Variants in SSBP4 observed in about 807,000 individuals in gnomAD.
The protein encoded by SSBP4 is single-stranded DNA-binding protein 4.
A neutral mutation model predicts 64.6 loss-of-function variants in SSBP4; 33 were observed. That is an observed-to-expected ratio of 0.51 (90% CI 0.39 to 0.68). The LOEUF is 0.68. Ranked by LOEUF, SSBP4 falls within the 30% of genes least tolerant of loss-of-function variation. The pLI, the probability that SSBP4 is intolerant of heterozygous loss-of-function variation, is 0.00. For missense variants in SSBP4, 583 were observed against 566.8 expected (o/e 1.03, Z -0.29); for synonymous variants, 243 against 224.0 (o/e 1.08, Z -0.76).
Position 18,433,592 on chromosome 19 carries a change from C to G in SSBP4, c.999C>G (p.Gly333=). The G allele has an allele frequency of 2.0e-6, 3 of 1,526,514 alleles. No individual in the cohort carries two copies. The highest frequency in any genetic ancestry group is 2.6e-6 in the Non-Finnish European group (3 of 1,139,102). The allele number at this position is 1,526,514 out of a possible 1,614,324, so 94.6% of individuals were successfully genotyped here. A position where few individuals can be genotyped will look rare whatever the true frequency, so the allele number is the denominator to read the frequency against. ...PHHVNGSLGS[G]DMDGLPKSSP... ...GTCTGTCCGTGTCTGTAGGCTCGGG[C>G]GACATGGACGGGTTGCCGAAGGTAA... Residue 333 remains glycine, a synonymous_variant, in exon 16 of 18, where the codon GGC becomes GGG. Coordinates refer to ENST00000270061, the MANE Select transcript of SSBP4 (RefSeq NM_032627.5).
At chr19:18,430,683 C>T (rs1973285808) in intron 4 of SSBP4, among the ~76,000 whole-genome samples, 158 bp from the exon 5 acceptor site, 1 of 152,158 alleles carries the variant, frequency 6.6e-6, no homozygotes, top group Non-Finnish European at 1.5e-5. Flanking sequence ...GGTCTTCAGA[C>T]CCACAGATCC....
chr19:18,404,142 A>G, the SSBP4 span, among the ~76,000 whole-genome samples: 14 of 151,994 alleles, frequency 9.2e-5, no homozygotes, highest in Non-Finnish European at 1.5e-4. Context: ...AGAAACGCCC[A>G]GGGATGCCCA....
chr19:18,432,590 C>T lies in SSBP4; in HGVS notation c.736C>T (p.Pro246Ser), dbSNP rs1426138129. ...GPGVRGPWAS[P>S]SGNSIPYSSS... ...AGGAGTTCGTGGCCCGTGGGCCAGCCCCAGTGGAAACTCGGTGAGCCTATG... is the reference window on the plus strand; with the variant it reads ...AGGAGTTCGTGGCCCGTGGGCCAGCTCCAGTGGAAACTCGGTGAGCCTATG... The change falls in exon 11 of 18, where the codon CCC becomes TCC. Residue 246 changes from proline to serine, a missense_variant. Pro to Ser is a moderately conservative substitution (Grantham distance 74). This residue lies in a region of SSBP4 where 444 missense variants were observed against 386.6 expected (regional missense o/e 1.15). Transcript: ENST00000270061. The T allele has an allele frequency of 6.3e-7, 1 of 1,576,106 alleles. No individual in the cohort carries two copies. Among genetic ancestry groups the T allele is most frequent in the Non-Finnish European group, 8.6e-7 (1 of 1,157,266 alleles).
At position 18,424,243 on chromosome 19, in the gene SSBP4, T is replaced by C. The variant is rs563810897; in HGVS notation, c.60-3108T>C. ...ACCTTCATCAGTACTTACCCCATGG[T>C]TCGCCTAATCCTCCCGGCATCCCAG... is the stretch of plus-strand genomic sequence containing the variant. On this transcript the variant is annotated intron_variant, in intron 1 of 17. Coordinates refer to ENST00000270061, the MANE Select transcript of SSBP4 (RefSeq NM_032627.5). Among the ~76,000 whole-genome samples, 102 of 152,292 alleles carry C rather than the reference T, an allele frequency of 6.7e-4. 1 individual carries two copies. Among genetic ancestry groups the C allele is most frequent in the Middle Eastern group, 3.4e-3 (1 of 294 alleles).
intron 17 of SSBP4, 146 bp from the exon 18 acceptor site, chr19:18,434,071 C>T (rs1973791336): frequency 1.6e-6 from 2 of 1,225,418 alleles, no homozygotes; most frequent in Non-Finnish European, 2.1e-6. Flanking sequence ...TCCCATGCAT[C>T]GCCCCTCCCC....
chr19:18,418,961 C>T (rs1441179903), upstream of SSBP4: 7 of 985,588 alleles, frequency 7.1e-6, no homozygotes, highest in African/African-American at 1.2e-4. The surrounding 1 kb of genome is among the most constrained non-coding windows in gnomAD (Gnocchi z 6.7). Flanking sequence ...GCGGTGGTTC[C>T]CACCCTTGCT....
In SSBP4 at chr19:18,427,220, T is replaced by C. The variant is rs1972918464; in HGVS notation, c.60-131T>C. ...GGCCTGCAGGACATAGATGGATAAC[T>C]ATGAGCTGTCCCTGCTGAGCAGCTG... is the stretch of plus-strand genomic sequence containing the variant. On this transcript the variant is annotated intron_variant, in intron 1 of 17. Coordinates refer to ENST00000270061, the MANE Select transcript of SSBP4 (RefSeq NM_032627.5). The surrounding 1 kb of genome is among the most constrained non-coding windows in gnomAD (Gnocchi z 4.4). The C allele has an allele frequency of 1.2e-5, 11 of 881,384 alleles. No homozygotes were observed. In the South Asian group the frequency reaches 1.4e-4, roughly 12 times the overall value. The allele number at this position is 881,384 out of a possible 1,614,324, so 54.6% of individuals were successfully genotyped here. A position where few individuals can be genotyped will look rare whatever the true frequency, so the allele number is the denominator to read the frequency against.
chr19:18,424,199 A>G (rs898645164), intron 1 of SSBP4, among the ~76,000 whole-genome samples: 3 of 152,196 alleles, frequency 2.0e-5, no homozygotes, highest in Admixed American at 6.5e-5. Context: ...AATCCTCAGT[A>G]TGGACAGAAT....
intron 4 of SSBP4, among the ~76,000 whole-genome samples, chr19:18,429,096 CCCAAG>C (rs1490242802): frequency 6.7e-6 from 1 of 149,808 alleles, no homozygotes; most frequent in Non-Finnish European, 1.5e-5. Flanking sequence ...GCGGAGGCCG[CCCAAG>C]CCCTGGGGTG....
At position 18,419,662 on chromosome 19, in the gene SSBP4, G is replaced by T; in HGVS notation, c.14G>T (p.Gly5Val). MYAK[G>V]GKGSAVPSDS... ...GCGTGGAGCAGCATGTACGCCAAGGGGGGCAAGGGTTCGGCCGTGCCCTCC... is the reference window on the plus strand; with the variant it reads ...GCGTGGAGCAGCATGTACGCCAAGGTGGGCAAGGGTTCGGCCGTGCCCTCC... The change falls in exon 1 of 18, where the codon GGG (glycine) becomes GTG (valine). Residue 5 changes from glycine (G) to valine (V), a missense_variant. This residue lies in a region of SSBP4 where 39 missense variants were observed against 25.7 expected (regional missense o/e 1.52). Coordinates refer to ENST00000270061, the MANE Select transcript of SSBP4 (RefSeq NM_032627.5). The T allele has an allele frequency of 1.6e-6, 2 of 1,241,818 alleles. No individual in the cohort carries two copies. Among genetic ancestry groups the T allele is most frequent in the Non-Finnish European group, 2.0e-6 (2 of 987,698 alleles). 76.9% of individuals were successfully genotyped at this position (1,241,818 alleles called of 1,614,324 possible). A position where few individuals can be genotyped will look rare whatever the true frequency, so the allele number is the denominator to read the frequency against.
Position 18,431,437 on chromosome 19 carries a change from T to C in SSBP4, c.435+19T>C. On this transcript the variant is annotated intron_variant, in intron 6 of 17. Transcript: ENST00000270061. ...CGGTCAGGTAAGGAGCTGTGGTGCC[T>C]GCCCCTCACACACACACATCCCCTC... is the stretch of plus-strand genomic sequence containing the variant. 6.9e-7 allele frequency: 1 copy of C among 1,454,890 alleles called. No homozygotes were observed. The highest frequency in any genetic ancestry group is 9.4e-7 in the Non-Finnish European group (1 of 1,067,086). The allele number at this position is 1,454,890 out of a possible 1,614,324, so 90.1% of individuals were successfully genotyped here. A position where few individuals can be genotyped will look rare whatever the true frequency, so the allele number is the denominator to read the frequency against.
At chr19:18,420,200 G>T (rs1482344494) in intron 1 of SSBP4, 1 of 152,096 alleles carries the variant, frequency 6.6e-6, no homozygotes, top group Non-Finnish European at 1.5e-5. Context: ...CTGGAGAGCG[G>T]CTGGAGGGGC....
At chr19:18,410,333 T>C in the SSBP4 span, among the ~76,000 whole-genome samples, 1 of 151,890 alleles carries the variant, frequency 6.6e-6, no homozygotes, top group East Asian at 1.9e-4. Flanking sequence ...GGTTTCACCA[T>C]GTTGGCCAGG....
Position 18,427,495 on chromosome 19 carries a change from T to C in SSBP4, c.132+72T>C. The C allele has an allele frequency of 1.9e-6, 3 of 1,549,732 alleles. No individual in the cohort carries two copies. The highest frequency in any genetic ancestry group is 2.6e-6 in the Non-Finnish European group (3 of 1,141,148). ...GGGGGTCCTTCATTTCCACTGGGGA[T>C]CCAGGGGGTGGGCCCGCGTTGCCCC... On this transcript the variant is annotated intron_variant, in intron 2 of 17. Coordinates refer to ENST00000270061, the MANE Select transcript of SSBP4 (RefSeq NM_032627.5). This position sits in a 1 kb window ranked among gnomAD's most constrained non-coding sequence, Gnocchi z 4.4.
At chr19:18,414,036 A>AAAC (rs1219352822), upstream of SSBP4, among the ~76,000 whole-genome samples, 6 of 136,348 alleles carry the variant, frequency 4.4e-5, no homozygotes, top group Admixed American at 1.4e-4. Flanking sequence ...AACAAACAAA[A>AAAC]AAAACGGCAT....
At chr19:18,416,573 C>A (rs958734485), upstream of SSBP4, among the ~76,000 whole-genome samples, 1 of 152,162 alleles carries the variant, frequency 6.6e-6, no homozygotes, top group Admixed American at 6.6e-5. Context: ...AGAAAAAAAT[C>A]TCACCCCCTC....
chr19:18,432,580 G>C lies in SSBP4; in HGVS notation c.726G>C (p.Pro242=), dbSNP rs368585392. The change falls in exon 11 of 18, where the codon CCG becomes CCC. Residue 242 remains proline, a synonymous_variant. Transcript: ENST00000270061. ...AMNMGPGVRG[P]WASPSGNSIP... is the part of the protein sequence containing the mutation. Reference sequence around the variant, plus strand: ...CCAGGGGCCCAGGAGTTCGTGGCCCGTGGGCCAGCCCCAGTGGAAACTCGG... The same window carrying C: ...CCAGGGGCCCAGGAGTTCGTGGCCCCTGGGCCAGCCCCAGTGGAAACTCGG... 5 of 1,576,488 alleles carry C rather than the reference G, an allele frequency of 3.2e-6. No homozygotes were observed. Among genetic ancestry groups the C allele is most frequent in the Non-Finnish European group, 4.3e-6 (5 of 1,157,508 alleles).
At chr19:18,418,709 G>A (rs1475998283), upstream of SSBP4, among the ~76,000 whole-genome samples, 1 of 152,254 alleles carries the variant, frequency 6.6e-6, no homozygotes, top group Non-Finnish European at 1.5e-5. This position sits in a 1 kb window ranked among gnomAD's most constrained non-coding sequence, Gnocchi z 6.7. Context: ...CAGGCCCTGT[G>A]ACTGTGGAGC....
Position 18,419,635 on chromosome 19 carries a change from C to G in SSBP4, c.-14C>G. 7.9e-7 allele frequency: 1 copy of G among 1,262,456 alleles called. No individual in the cohort carries two copies. Among genetic ancestry groups the G allele is most frequent in the South Asian group, 2.1e-5 (1 of 48,180 alleles). The allele number at this position is 1,262,456 out of a possible 1,614,324, so 78.2% of individuals were successfully genotyped here. A position where few individuals can be genotyped will look rare whatever the true frequency, so the allele number is the denominator to read the frequency against. On this transcript the variant is annotated 5_prime_UTR_variant, in exon 1 of 18. Coordinates refer to ENST00000270061, the MANE Select transcript of SSBP4 (RefSeq NM_032627.5). ...TGACAGGTGTGGGCCCCGGCGGCGGCGGCGTGGAGCAGCATGTACGCCAAG... is the reference window on the plus strand; with the variant it reads ...TGACAGGTGTGGGCCCCGGCGGCGGGGGCGTGGAGCAGCATGTACGCCAAG...
Sources: allele counts gnomAD v4.1 joint callset (sites outside exome capture counted in the v4.1 genomes callset), GRCh38; gene constraint gnomAD v4.1.1; regional missense constraint gnomAD v4.1.1; non-coding constraint Gnocchi (gnomAD v3.1); transcripts MANE v1.5; gene names NCBI Gene and HGNC (gene_info 2026-07-23, HGNC 2026-07-21).